Variants in TEAD1 observed in about 807,000 individuals in gnomAD.
TEAD1 encodes the protein transcriptional enhancer factor TEF-1.
In TEAD1, 9 loss-of-function variants were observed where a neutral mutation model predicts 54.9. That is an observed-to-expected ratio of 0.16 (90% confidence interval 0.10 to 0.29). The LOEUF is 0.29. TEAD1 is among the 10% of genes least tolerant of loss of function. The pLI is 1.00. For missense variants in TEAD1, 387 were observed against 535.9 expected, an observed-to-expected ratio of 0.72 and a Z score of 2.74; for synonymous variants, 200 against 187.8, an observed-to-expected ratio of 1.07 and a Z score of -0.53.
At chr11:12,903,939 G>T (rs1246165086) in intron 10 of TEAD1, among the ~76,000 whole-genome samples, 3 of 152,198 alleles carry the variant, frequency 2.0e-5, no homozygotes, top group African/African-American at 4.8e-5. Flanking sequence ...ATTGGTGGCT[G>T]CCTTCTAGTA....
At chr11:12,879,498 C>A in intron 5 of TEAD1, 1 of 678,420 alleles carries the variant, frequency 1.5e-6, no homozygotes, top group Non-Finnish European at 2.6e-6. Context: ...AAAGCCTTGC[C>A]CCATTGGGTC....
chr11:12,763,964 C>G (rs561778119), intron 2 of TEAD1, among the ~76,000 whole-genome samples: 1 of 152,154 alleles, frequency 6.6e-6, no homozygotes. Flanking sequence ...TCCATATTCT[C>G]CAGTAGGAGT....
intron 6 of TEAD1, among the ~76,000 whole-genome samples, chr11:12,880,572 G>T (rs1292853659): frequency 2.0e-5 from 3 of 152,196 alleles, no homozygotes; most frequent in Non-Finnish European, 4.4e-5. Flanking sequence ...ATTGCCGCTT[G>T]GAGCTCCTGG....
intron 3 of TEAD1, among the ~76,000 whole-genome samples, chr11:12,782,106 C>T (rs990774460): frequency 3.3e-5 from 5 of 152,090 alleles, no homozygotes; most frequent in Admixed American, 3.3e-4. Flanking sequence ...GCAGAGATCT[C>T]CCCACGGCAC....
At chr11:12,784,031 A>G (rs112643691) in intron 3 of TEAD1, among the ~76,000 whole-genome samples, 26 of 152,308 alleles carry the variant, frequency 1.7e-4, no homozygotes, top group African/African-American at 6.3e-4. Flanking sequence ...GGCTGACACT[A>G]CAACACTTCT....
At chr11:12,712,532 T>C (rs1360794677) in intron 2 of TEAD1, among the ~76,000 whole-genome samples, 2 of 152,202 alleles carry the variant, frequency 1.3e-5, no homozygotes, top group South Asian at 2.1e-4. Flanking sequence ...AGTGTACTTA[T>C]TTGAAAAGTT....
intron 11 of TEAD1, among the ~76,000 whole-genome samples, chr11:12,925,809 A>AG (rs1948895381): frequency 1.3e-5 from 2 of 152,310 alleles, no homozygotes; most frequent in Admixed American, 1.3e-4. Context: ...ATAGACGTCA[A>AG]GGTGGTACTC....
At position 12,942,240 on chromosome 11, in the gene TEAD1, T is replaced by A. The variant is rs1395418541; in HGVS notation, c.*5018T>A. 2 of 152,678 alleles carry A rather than the reference T, an allele frequency of 1.3e-5. No individual in the cohort carries two copies. Among genetic ancestry groups the A allele is most frequent in the African/African-American group, 4.8e-5 (2 of 41,470 alleles). 9.5% of individuals were successfully genotyped at this position (152,678 alleles called of 1,614,324 possible). On this transcript the variant is annotated 3_prime_UTR_variant, in exon 13 of 13. Coordinates refer to ENST00000527636, the MANE Select transcript of TEAD1 (RefSeq NM_021961.6). ...CATGAAAGTGCCTTTGGTTTGAGAT[T>A]CCAGCTTAGAAAAGTGCTGCCATAA...
At position 12,752,369 on chromosome 11, in the gene TEAD1, T is replaced by C. The variant is rs539456950; in HGVS notation, c.-54-11810T>C. On this transcript the variant is annotated intron_variant, in intron 2 of 12. Transcript: ENST00000527636. ...TTGGCATCCAGAGCCATTGATCTAT[T>C]GATCTGCACTGACATGACCAGAACC... 1.8e-3 allele frequency among the ~76,000 whole-genome samples: 270 copies of C among 152,262 alleles called. 4 individuals are homozygous for C. Among genetic ancestry groups the C allele is most frequent in the African/African-American group, 6.2e-3 (259 of 41,532 alleles).
At chr11:12,719,816 T>C (rs1251539031) in intron 2 of TEAD1, among the ~76,000 whole-genome samples, 1 of 152,010 alleles carries the variant, frequency 6.6e-6, no homozygotes, top group Non-Finnish European at 1.5e-5. Flanking sequence ...TTGAAAATTA[T>C]GGTTTGTGAA....
intron 2 of TEAD1, among the ~76,000 whole-genome samples, chr11:12,748,477 G>T (rs890507616): frequency 6.6e-6 from 1 of 152,194 alleles, no homozygotes; most frequent in Admixed American, 6.5e-5. Context: ...GGTGTGAAAG[G>T]CCAGGGGTCT....
At chr11:12,758,249 T>A (rs1945024758) in intron 2 of TEAD1, among the ~76,000 whole-genome samples, 1 of 147,832 alleles carries the variant, frequency 6.8e-6, no homozygotes, top group Non-Finnish European at 1.5e-5. Context: ...TTTTTTTTAA[T>A]TTTTTTTTTG....
chr11:12,830,063 G>A (rs913319413), intron 3 of TEAD1, among the ~76,000 whole-genome samples: 1 of 152,128 alleles, frequency 6.6e-6, no homozygotes, highest in African/African-American at 2.4e-5. Flanking sequence ...GGCCAGAAGG[G>A]CATCAGACAA....
At chr11:12,706,595 T>A (rs1002160629) in intron 2 of TEAD1, among the ~76,000 whole-genome samples, 1 of 152,244 alleles carries the variant, frequency 6.6e-6, no homozygotes, top group Non-Finnish European at 1.5e-5. Flanking sequence ...TAAAGTTGTT[T>A]AAAGACATTG....
intron 4 of TEAD1, 148 bp downstream of exon 4, chr11:12,862,462 C>T: frequency 1.4e-6 from 1 of 721,436 alleles, no homozygotes; most frequent in Admixed American, 2.1e-5. Context: ...TTTAAATTGG[C>T]TCAGTTTTCA....
chr11:12,781,236 A>G (rs1945535116), intron 3 of TEAD1, among the ~76,000 whole-genome samples: 1 of 152,222 alleles, frequency 6.6e-6, no homozygotes. Context: ...TCCAGAAGGA[A>G]ATACAGGAAT....
chr11:12,864,010 A>G (rs373479727), intron 4 of TEAD1, among the ~76,000 whole-genome samples: 52 of 152,200 alleles, frequency 3.4e-4, no homozygotes, highest in Admixed American at 2.2e-3. Flanking sequence ...ATAATATGCA[A>G]ATCCACTTGG....
chr11:12,750,119 G>A (rs1322564577), intron 2 of TEAD1, among the ~76,000 whole-genome samples: 3 of 152,280 alleles, frequency 2.0e-5, no homozygotes, highest in East Asian at 3.9e-4. Flanking sequence ...CGTGCTTTTG[G>A]TTAAATTCAT....
intron 10 of TEAD1, among the ~76,000 whole-genome samples, chr11:12,906,196 A>G (rs552141779): frequency 1.3e-5 from 2 of 152,074 alleles, no homozygotes; most frequent in Non-Finnish European, 2.9e-5. Context: ...AGATCTTTCT[A>G]AAGAGCCTTA....
Sources: allele counts gnomAD v4.1 joint callset (sites outside exome capture counted in the v4.1 genomes callset), GRCh38; gene constraint gnomAD v4.1.1; transcripts MANE v1.5; gene names NCBI Gene and HGNC (gene_info 2026-07-23, HGNC 2026-07-21).